The following NXPH1 variants were observed in gnomAD, a reference collection of about 807,000 sequenced individuals.
NXPH1 encodes the protein neurexophilin 1.
Under a neutral mutation model 23.7 loss-of-function variants are expected in NXPH1, and 5 were observed. The observed-to-expected ratio is 0.21, with a 90% CI of 0.11 to 0.44. The LOEUF (loss-of-function observed/expected upper bound fraction) is 0.44. NXPH1 is among the 20% of genes least tolerant of loss of function. The pLI, the probability that NXPH1 is intolerant of heterozygous loss-of-function variation, is 0.99. For missense variants in NXPH1, 324 were observed against 321.6 expected (o/e 1.01, Z -0.06); for synonymous variants, 144 against 122.2 (o/e 1.18, Z -1.18).
intron 2 of NXPH1, among the ~76,000 whole-genome samples, chr7:8,483,466 G>T (rs972841277): frequency 2.0e-5 from 3 of 151,954 alleles, no homozygotes; most frequent in Non-Finnish European, 4.4e-5. Flanking sequence ...GAGTAGCTGG[G>T]CATGGCTAAA....
At chr7:8,563,783 A>G (rs1400475552) in intron 2 of NXPH1, among the ~76,000 whole-genome samples, 1 of 151,780 alleles carries the variant, frequency 6.6e-6, no homozygotes, top group Non-Finnish European at 1.5e-5. Context: ...TGCTCTGCTA[A>G]TAATGCACGC....
intron 2 of NXPH1, among the ~76,000 whole-genome samples, chr7:8,610,366 C>G (rs961051393): frequency 6.6e-6 from 1 of 152,106 alleles, no homozygotes; most frequent in South Asian, 2.1e-4. Context: ...CTCCCCTTTC[C>G]TTATAATTTT....
chr7:8,674,724 G>T (rs1459657980), intron 2 of NXPH1, among the ~76,000 whole-genome samples: 1 of 152,152 alleles, frequency 6.6e-6, no homozygotes, highest in African/African-American at 2.4e-5. Context: ...TAATGAAGCA[G>T]GTTCTTGACA....
intron 2 of NXPH1, among the ~76,000 whole-genome samples, chr7:8,536,703 A>G (rs1183961692): frequency 6.6e-6 from 1 of 151,086 alleles, no homozygotes; most frequent in East Asian, 1.9e-4. Flanking sequence ...GAGAAGAAGA[A>G]GAGAGACTGT....
chr7:8,592,170 C>A (rs556422372), intron 2 of NXPH1, among the ~76,000 whole-genome samples: 1 of 151,810 alleles, frequency 6.6e-6, no homozygotes, highest in South Asian at 2.1e-4. Context: ...TAAGGGAAGA[C>A]CTGACAGGTG....
At chr7:8,663,420 A>G (rs1478709066) in intron 2 of NXPH1, among the ~76,000 whole-genome samples, 1 of 152,082 alleles carries the variant, frequency 6.6e-6, no homozygotes, top group Non-Finnish European at 1.5e-5. Flanking sequence ...CCCATTGTAG[A>G]TTAATTCCAA....
chr7:8,618,816 T>C (rs1819802222), intron 2 of NXPH1, among the ~76,000 whole-genome samples: 1 of 152,190 alleles, frequency 6.6e-6, no homozygotes, highest in Non-Finnish European at 1.5e-5. Flanking sequence ...TTCTTTTTTA[T>C]TTTATTTGTT....
At chr7:8,579,965 G>A (rs540239106) in intron 2 of NXPH1, among the ~76,000 whole-genome samples, 12 of 152,272 alleles carry the variant, frequency 7.9e-5, no homozygotes, top group East Asian at 5.8e-4. Flanking sequence ...CATAAAAAAC[G>A]GTTGATGTAT....
Position 8,581,824 on chromosome 7 carries a change from A to G in NXPH1, c.54+146057A>G, listed in dbSNP as rs189748954. Among the ~76,000 whole-genome samples the G allele has an allele frequency of 7.2e-4, 110 of 152,274 alleles. 1 individual carries two copies. Among genetic ancestry groups the G allele is most frequent in the African/African-American group, 2.5e-3 (102 of 41,528 alleles). ...GGAGGTCAAAAAGGACTCCCCAGAG[A>G]AATTGCCATTTAAACAAAGTAATAG... On this transcript the variant is annotated intron_variant, in intron 2 of 2. Transcript: ENST00000405863.
chr7:8,694,247 C>G (rs918301061), intron 2 of NXPH1, among the ~76,000 whole-genome samples: 1 of 152,160 alleles, frequency 6.6e-6, no homozygotes, highest in African/African-American at 2.4e-5. Context: ...AGTGCAGGTG[C>G]GTGGTGGTCT....
At chr7:8,582,192 G>C (rs56293069) in intron 2 of NXPH1, among the ~76,000 whole-genome samples, 26,749 of 152,196 alleles carry the variant, frequency 0.18, 3,047 homozygotes, top group Non-Finnish European at 0.25. Flanking sequence ...TGGGAAGCTT[G>C]TAGATGCCGG....
At chr7:8,476,643 ATTAT>A (rs1816977953) in intron 2 of NXPH1, among the ~76,000 whole-genome samples, 1 of 152,074 alleles carries the variant, frequency 6.6e-6, no homozygotes, top group Non-Finnish European at 1.5e-5. Flanking sequence ...AATGCTATAC[ATTAT>A]TTATTTTTTC....
chr7:8,687,482 T>A (rs968828710), intron 2 of NXPH1, among the ~76,000 whole-genome samples: 3 of 152,194 alleles, frequency 2.0e-5, no homozygotes, highest in African/African-American at 7.2e-5. Context: ...TATTAAAACA[T>A]CATTTTACCT....
chr7:8,744,570 C>G (rs58346512), intron 2 of NXPH1, among the ~76,000 whole-genome samples: 6,306 of 152,228 alleles, frequency 0.041, 425 homozygotes, highest in African/African-American at 0.14. Context: ...ATACCATCTA[C>G]TCATACTACA....
intron 2 of NXPH1, among the ~76,000 whole-genome samples, chr7:8,740,889 T>C (rs1780350013): frequency 1.3e-5 from 2 of 152,094 alleles, no homozygotes; most frequent in Admixed American, 1.3e-4. Context: ...ATAGTTACCA[T>C]TTTGTGTGTG....
At chr7:8,505,991 A>G (rs1817516117) in intron 2 of NXPH1, among the ~76,000 whole-genome samples, 1 of 152,128 alleles carries the variant, frequency 6.6e-6, no homozygotes, top group Admixed American at 6.6e-5. Flanking sequence ...TCTGAGGACC[A>G]TACTTGAAAA....
At chr7:8,740,203 C>G (rs754508082) in intron 2 of NXPH1, among the ~76,000 whole-genome samples, 3 of 152,186 alleles carry the variant, frequency 2.0e-5, no homozygotes, top group African/African-American at 7.2e-5. Flanking sequence ...TGTGCTCAAA[C>G]TGCATGTAAC....
At chr7:8,496,716 G>C (rs1479897901) in intron 2 of NXPH1, among the ~76,000 whole-genome samples, 2 of 152,008 alleles carry the variant, frequency 1.3e-5, no homozygotes, top group Non-Finnish European at 2.9e-5. Context: ...GTGACTGTGA[G>C]GCATGCTTTA....
intron 2 of NXPH1, among the ~76,000 whole-genome samples, chr7:8,665,144 A>G (rs573344896): frequency 6.6e-6 from 1 of 152,166 alleles, no homozygotes; most frequent in South Asian, 2.1e-4. Flanking sequence ...CAGTGGTTTT[A>G]CAGGTTCAGT....
Sources: gnomAD v4.1 joint callset for allele counts (sites outside exome capture counted in the v4.1 genomes callset) on GRCh38, gnomAD v4.1.1 for gene constraint, MANE v1.5 for transcripts, NCBI Gene and HGNC (gene_info 2026-07-23, HGNC 2026-07-21) for gene names.